HECW2: variants seen among roughly 807,000 people sequenced by gnomAD.
HECW2 encodes the protein E3 ubiquitin-protein ligase HECW2.
HECW2 carries 61 observed loss-of-function variants against 175.2 expected under a neutral mutation model. The ratio of observed to expected loss-of-function variants is 0.35; its 90% CI spans 0.28 to 0.43. The LOEUF (loss-of-function observed/expected upper bound fraction) is 0.43, where lower values mean the gene tolerates loss of function less well. Among genes scored for constraint, HECW2 ranks in the 20% least tolerant of loss-of-function variants. HECW2 has a pLI of 1.00. For synonymous variants in HECW2, 671 were observed against 731.0 expected, an observed-to-expected ratio of 0.92 and a Z score of 1.32; for missense variants, 1,524 against 2,000.5, an observed-to-expected ratio of 0.76 and a Z score of 4.54.
chr2:196,370,273 G>A (rs1007005101), intron 2 of HECW2, among the ~76,000 whole-genome samples: 5 of 152,090 alleles, frequency 3.3e-5, no homozygotes, highest in African/African-American at 1.2e-4. Context: ...TCCCTTCAAG[G>A]AAGTGAGTTC....
intron 13 of HECW2, among the ~76,000 whole-genome samples, chr2:196,306,274 C>T (rs1273607274): frequency 2.0e-5 from 3 of 152,164 alleles, no homozygotes; most frequent in Non-Finnish European, 4.4e-5. Flanking sequence ...TATAGGCCAC[C>T]CAGCTTACAG....
Position 196,201,224 on chromosome 2 carries a change from G to T in HECW2, c.*53C>A. 3 of 1,118,520 alleles carry T rather than the reference G, an allele frequency of 2.7e-6. No homozygotes were observed. The highest frequency in any genetic ancestry group is 4.1e-6 in the Non-Finnish European group (3 of 728,382). 69.3% of individuals were successfully genotyped at this position (1,118,520 alleles called of 1,614,324 possible). On this transcript the variant is annotated 3_prime_UTR_variant, in exon 29 of 29. Coordinates refer to ENST00000644978, the MANE Select transcript of HECW2 (RefSeq NM_001348768.2). ...CTTCCAATGTTCAATCATTCTTCTA[G>T]AAGGCAGCTTCTGAACCTGCCTGTC... is the stretch of plus-strand genomic sequence containing the variant.
At chr2:196,544,513 G>A (rs1284476839) in intron 1 of HECW2, among the ~76,000 whole-genome samples, 1 of 152,206 alleles carries the variant, frequency 6.6e-6, no homozygotes, top group Non-Finnish European at 1.5e-5. Context: ...GGGGGGCACT[G>A]GAAGGTCTCA....
intron 2 of HECW2, among the ~76,000 whole-genome samples, chr2:196,413,456 C>A (rs944325462): frequency 4.6e-5 from 7 of 152,116 alleles, no homozygotes. Context: ...AGCAATTCTC[C>A]CGCCTCAGCC....
At chr2:196,366,550 C>G (rs1029712045) in intron 2 of HECW2, among the ~76,000 whole-genome samples, 4 of 152,172 alleles carry the variant, frequency 2.6e-5, no homozygotes, top group Admixed American at 2.6e-4. Context: ...AAATGTAGTT[C>G]TTTTCCCTTC....
intron 4 of HECW2, among the ~76,000 whole-genome samples, chr2:196,332,078 C>T (rs968354389): frequency 6.6e-6 from 1 of 152,118 alleles, no homozygotes; most frequent in Admixed American, 6.5e-5. Context: ...AAACAAAATA[C>T]AAATGACAGA....
intron 1 of HECW2, among the ~76,000 whole-genome samples, chr2:196,584,600 A>C (rs1281453782): frequency 6.6e-6 from 1 of 151,222 alleles, no homozygotes; most frequent in Non-Finnish European, 1.5e-5. Flanking sequence ...AAAAAAAAAA[A>C]ACCTAAATCA....
chr2:196,257,645 G>C, intron 18 of HECW2, 178 bp downstream of exon 18: 1 of 585,396 alleles, frequency 1.7e-6, no homozygotes, highest in Non-Finnish European at 3.0e-6. Flanking sequence ...TGTAACAAAT[G>C]GCAACGTGAA....
intron 1 of HECW2, among the ~76,000 whole-genome samples, chr2:196,526,079 A>C: frequency 2.1e-5 from 1 of 48,720 alleles, no homozygotes; most frequent in Non-Finnish European, 4.0e-5. Flanking sequence ...GTGTTTTCCA[A>C]CTTGGTTCCA....
intron 2 of HECW2, among the ~76,000 whole-genome samples, chr2:196,354,433 G>A (rs1475729888): frequency 3.9e-5 from 6 of 152,226 alleles, no homozygotes; most frequent in African/African-American, 7.2e-5. Context: ...GCACACAGTC[G>A]CAGTGGCCCT....
chr2:196,460,463 T>A, intron 1 of HECW2, among the ~76,000 whole-genome samples: 1 of 148,050 alleles, frequency 6.8e-6, no homozygotes, highest in African/African-American at 2.5e-5. Flanking sequence ...TGAATGAGGA[T>A]ACAAAAACAA....
chr2:196,319,528 G>A lies in HECW2; in HGVS notation c.1362C>T (p.Asp454=), dbSNP rs1350491657. 1 of 1,614,188 alleles carries A rather than the reference G, an allele frequency of 6.2e-7. No individual in the cohort carries two copies. The highest frequency in any genetic ancestry group is 2.2e-5 in the East Asian group (1 of 44,888). The change falls in exon 9 of 29, where the codon GAC becomes GAT. Residue 454 remains aspartate (D), a synonymous_variant. Coordinates refer to ENST00000644978, the MANE Select transcript of HECW2 (RefSeq NM_001348768.2). The part of the protein sequence containing the change: ...SPKLRSSFPT[D]TRLNAMLHID... ...TATGAAGCATGGCATTGAGTCTTGT[G>A]TCAGTGGGAAAACTACTCCTCAGTT...
At chr2:196,424,733 A>C (rs946760930) in intron 2 of HECW2, among the ~76,000 whole-genome samples, 2 of 152,168 alleles carry the variant, frequency 1.3e-5, no homozygotes, top group African/African-American at 4.8e-5. Flanking sequence ...GCTGGAAGCT[A>C]GGAAAGGTTG....
intron 3 of HECW2, among the ~76,000 whole-genome samples, chr2:196,340,595 CAAAAAAAAAAA>C (rs3082071): frequency 3.0e-5 from 2 of 66,914 alleles, no homozygotes; most frequent in African/African-American, 1.2e-4. Flanking sequence ...GACTCCGTCT[CAAAAAAAAAAA>C]AAAAAAAAAA....
intron 2 of HECW2, among the ~76,000 whole-genome samples, chr2:196,416,795 T>C (rs1208142047): frequency 6.6e-6 from 1 of 152,228 alleles, no homozygotes; most frequent in Non-Finnish European, 1.5e-5. Context: ...TGTTTTCTTA[T>C]AAAAACAGCC....
At chr2:196,555,442 C>CTGCAATA (rs1303944745) in intron 1 of HECW2, among the ~76,000 whole-genome samples, 2 of 152,134 alleles carry the variant, frequency 1.3e-5, no homozygotes, top group East Asian at 3.9e-4. Flanking sequence ...CTCCTAATAC[C>CTGCAATA]ATCACATTGC....
intron 27 of HECW2, among the ~76,000 whole-genome samples, chr2:196,216,288 G>A (rs1302983119): frequency 1.3e-5 from 2 of 152,122 alleles, no homozygotes; most frequent in African/African-American, 2.4e-5. Flanking sequence ...TGAATAAAGT[G>A]GGATCAATTA....
intron 2 of HECW2, among the ~76,000 whole-genome samples, chr2:196,395,405 T>C (rs1011595797): frequency 1.3e-5 from 2 of 152,032 alleles, no homozygotes; most frequent in East Asian, 1.9e-4. Context: ...AAAAACACTA[T>C]CGACAGAATG....
At chr2:196,559,273 A>G (rs1689915049) in intron 1 of HECW2, among the ~76,000 whole-genome samples, 1 of 152,132 alleles carries the variant, frequency 6.6e-6, no homozygotes, top group South Asian at 2.1e-4. Flanking sequence ...GGCTTAAAGT[A>G]TTTTCTTCAA....
Sources: gnomAD v4.1 joint callset for allele counts (sites outside exome capture counted in the v4.1 genomes callset) on GRCh38, gnomAD v4.1.1 for gene constraint, MANE v1.5 for transcripts, NCBI Gene and HGNC (gene_info 2026-07-23, HGNC 2026-07-21) for gene names.